The following NGEF variants were observed in gnomAD, a reference collection of about 807,000 sequenced individuals.
NGEF encodes the protein ephexin-1.
NGEF carries 31 observed loss-of-function variants against 80.9 expected under a neutral mutation model. The observed-to-expected ratio is 0.38, with a 90% CI of 0.29 to 0.52. The LOEUF is 0.52. NGEF is among the 20% of genes least tolerant of loss of function. The pLI is 0.84. For synonymous variants in NGEF, 371 were observed against 370.2 expected, an observed-to-expected ratio of 1.00 and a Z score of -0.03; for missense variants, 709 against 926.2, an observed-to-expected ratio of 0.77 and a Z score of 3.04.
intron 3 of NGEF, among the ~76,000 whole-genome samples, chr2:232,944,486 A>C (rs533286617): frequency 6.6e-6 from 1 of 152,168 alleles, no homozygotes; most frequent in South Asian, 2.1e-4. Flanking sequence ...CGTTGTAGAC[A>C]TAAGAATGAA....
At chr2:232,896,711 T>TAGGGGTGGGGGG (rs1559197304) in intron 5 of NGEF, among the ~76,000 whole-genome samples, 3 of 20,888 alleles carry the variant, frequency 1.4e-4, no homozygotes, top group Admixed American at 6.5e-4. Flanking sequence ...GGGGTGGGGG[T>TAGGGGTGGGGGG]AGGGGTGAGT....
chr2:232,892,652 C>G lies in NGEF; in HGVS notation c.1142+246G>C, dbSNP rs961653926. Among the ~76,000 whole-genome samples, 1 of 152,180 alleles carries G rather than the reference C, an allele frequency of 6.6e-6. No homozygotes were observed. Among genetic ancestry groups the G allele is most frequent in the Non-Finnish European group, 1.5e-5 (1 of 68,022 alleles). On this transcript the variant is annotated intron_variant, in intron 7 of 14. Transcript: ENST00000264051. The surrounding 1 kb of genome is among the most constrained non-coding windows in gnomAD (Gnocchi z 4.0). ...CCATTGGATCCAGGTCCAGTGGATG[C>G]TACGCTGATTCTCTTGGGGTCTGGC...
At chr2:232,951,786 A>G (rs1256724643) in intron 3 of NGEF, among the ~76,000 whole-genome samples, 1 of 152,062 alleles carries the variant, frequency 6.6e-6, no homozygotes, top group African/African-American at 2.4e-5. Context: ...AAAACCAGTA[A>G]TTTCTCCCAT....
intron 1 of NGEF, among the ~76,000 whole-genome samples, chr2:233,000,790 G>T (rs1225610874): frequency 6.6e-6 from 1 of 150,582 alleles, no homozygotes; most frequent in Non-Finnish European, 1.5e-5. Flanking sequence ...AAACCTAAAT[G>T]CCTCCCAGAG....
chr2:232,883,567 G>T (rs1335555106), intron 11 of NGEF, 101 bp from the exon 12 acceptor site: 5 of 1,199,990 alleles, frequency 4.2e-6, no homozygotes, highest in Non-Finnish European at 5.6e-6. Context: ...GCTCCACAGC[G>T]CTGGCTGATC....
chr2:232,892,272 A>C lies in NGEF; in HGVS notation c.1142+626T>G, dbSNP rs1303437029. 6.6e-6 allele frequency among the ~76,000 whole-genome samples: 1 copy of C among 152,122 alleles called. No individual in the cohort carries two copies. The highest frequency in any genetic ancestry group is 1.5e-5 in the Non-Finnish European group (1 of 68,018). On this transcript the variant is annotated intron_variant, in intron 7 of 14. Transcript: ENST00000264051. This position sits in a 1 kb window ranked among gnomAD's most constrained non-coding sequence, Gnocchi z 4.0. ...CTTGGTGGAAAAGCCAGTGAGGCGC[A>C]ATGTGCAGACGCCACAACTGGAAAA... is the stretch of plus-strand genomic sequence containing the variant.
At chr2:232,945,650 T>G (rs1462086759) in intron 3 of NGEF, among the ~76,000 whole-genome samples, 2 of 150,960 alleles carry the variant, frequency 1.3e-5, no homozygotes, top group Admixed American at 1.3e-4. Context: ...GGGAGTGTGG[T>G]CCTGACGATG....
chr2:232,998,483 G>A (rs1243360383), intron 1 of NGEF, among the ~76,000 whole-genome samples: 1 of 152,206 alleles, frequency 6.6e-6, no homozygotes, highest in African/African-American at 2.4e-5. Context: ...CAGAGACAGA[G>A]CCAGAGGCCA....
intron 1 of NGEF, among the ~76,000 whole-genome samples, chr2:232,981,401 G>A (rs901607181): frequency 2.6e-5 from 4 of 151,998 alleles, no homozygotes; most frequent in African/African-American, 4.8e-5. Flanking sequence ...TTAGCTACAC[G>A]AGTAGAAATT....
intron 3 of NGEF, among the ~76,000 whole-genome samples, chr2:232,932,333 C>T (rs567969112): frequency 5.3e-5 from 8 of 151,798 alleles, no homozygotes; most frequent in Admixed American, 2.0e-4. Flanking sequence ...CCTGGCTAAA[C>T]TTTTTGTATT....
Position 233,011,144 on chromosome 2 carries a change from G to C in NGEF, c.-75+1924C>G, listed in dbSNP as rs186533065. Among the ~76,000 whole-genome samples, 17 of 152,274 alleles carry C rather than the reference G, an allele frequency of 1.1e-4. No homozygotes were observed. The East Asian group carries it at 3.1e-3, about 28-fold the overall frequency. ...CGGGGTTTCTGGCCTGGCCTCGGGG[G>C]TGTGGGACACAGCATCGCTTCATCT... On this transcript the variant is annotated intron_variant, in intron 1 of 14. Transcript: ENST00000264051.
At chr2:233,007,882 G>T (rs1238675984) in intron 1 of NGEF, among the ~76,000 whole-genome samples, 1 of 152,154 alleles carries the variant, frequency 6.6e-6, no homozygotes, top group East Asian at 1.9e-4. Context: ...AGTTGTCCAG[G>T]CGCCAGATGC....
intron 9 of NGEF, 86 bp downstream of exon 9, chr2:232,887,947 G>A (rs1691745891): frequency 1.0e-6 from 1 of 998,216 alleles, no homozygotes; most frequent in African/African-American, 1.6e-5. Flanking sequence ...AAGACACACG[G>A]ACATGTGGGG....
At position 233,013,122 on chromosome 2, in the gene NGEF, G is replaced by A. The variant is rs150126995; in HGVS notation, c.-129C>T. ...CTTCCTCAGAGAGTGTTCCTCCCTC[G>A]TCCCCTGTCCTGTCCAGGCACCTGC... On this transcript the variant is annotated 5_prime_UTR_variant, in exon 1 of 15. The change creates a new upstream start codon in the 5' untranslated region. Coordinates refer to ENST00000264051, the MANE Select transcript of NGEF (RefSeq NM_019850.3). 58 of 471,068 alleles carry A rather than the reference G, an allele frequency of 1.2e-4. No homozygotes were observed. The highest frequency in any genetic ancestry group is 7.4e-4 in the African/African-American group (37 of 50,102). The allele number at this position is 471,068 out of a possible 1,614,324, so 29.2% of individuals were successfully genotyped here.
rs78730351 is a variant in NGEF, at chr2:232,984,932, T to C, written c.-74-9968A>G. 2.3e-3 allele frequency among the ~76,000 whole-genome samples: 351 copies of C among 152,040 alleles called. 4 individuals carry two copies. The highest frequency in any genetic ancestry group is 0.021 in the East Asian group (109 of 5,168). ...CATAGTGGGTTCTCAGTGTAAGAGG[T>C]TGAATGAACGAAAAGCAGGCAAATT... is the stretch of plus-strand genomic sequence containing the variant. On this transcript the variant is annotated intron_variant, in intron 1 of 14. Coordinates refer to ENST00000264051, the MANE Select transcript of NGEF (RefSeq NM_019850.3).
intron 3 of NGEF, among the ~76,000 whole-genome samples, chr2:232,967,261 T>C (rs1694080953): frequency 6.6e-6 from 1 of 152,172 alleles, no homozygotes; most frequent in Non-Finnish European, 1.5e-5. Flanking sequence ...TCCTGAGGCC[T>C]CCACAGAAGC....
At chr2:232,886,153 G>C (rs1176668486) in intron 9 of NGEF, among the ~76,000 whole-genome samples, 1 of 151,802 alleles carries the variant, frequency 6.6e-6, no homozygotes, top group African/African-American at 2.4e-5. Context: ...GTGTATGCAT[G>C]TGCGGTGTGT....
At chr2:232,977,167 G>A (rs1321641236) in intron 1 of NGEF, among the ~76,000 whole-genome samples, 1 of 152,162 alleles carries the variant, frequency 6.6e-6, no homozygotes, top group East Asian at 1.9e-4. Flanking sequence ...AGGACAGAGA[G>A]AGAGAGAGGC....
intron 3 of NGEF, among the ~76,000 whole-genome samples, chr2:232,946,335 A>T (rs561827373): frequency 6.6e-6 from 1 of 152,126 alleles, no homozygotes; most frequent in Non-Finnish European, 1.5e-5. Context: ...GGTGCAGTGT[A>T]TACTGCTCGG....
Sources: allele counts gnomAD v4.1 joint callset (sites outside exome capture counted in the v4.1 genomes callset), GRCh38; gene constraint gnomAD v4.1.1; non-coding constraint Gnocchi (gnomAD v3.1); transcripts MANE v1.5; gene names NCBI Gene and HGNC (gene_info 2026-07-23, HGNC 2026-07-21).